Variants in MAGI2 observed in about 807,000 individuals in gnomAD.
MAGI2 encodes the protein membrane associated guanylate kinase, WW and PDZ domain containing 2.
In MAGI2, 35 loss-of-function variants were observed where a neutral mutation model predicts 133.3. The observed-to-expected ratio is 0.26, with a 90% CI of 0.20 to 0.35. The LOEUF (loss-of-function observed/expected upper bound fraction) is 0.35, where lower values mean the gene tolerates loss of function less well. Among genes scored for constraint, MAGI2 ranks in the 10% least tolerant of loss-of-function variants. The pLI, the probability that MAGI2 is intolerant of heterozygous loss-of-function variation, is 1.00. For missense variants in MAGI2, 1,636 were observed against 1,863.4 expected (o/e 0.88, Z 2.25); for synonymous variants, 729 against 710.6 (o/e 1.03, Z -0.41).
At chr7:78,455,484 TATA>T (rs1789212942) in intron 6 of MAGI2, among the ~76,000 whole-genome samples, 1 of 152,186 alleles carries the variant, frequency 6.6e-6, no homozygotes, top group South Asian at 2.1e-4. Flanking sequence ...TACTTCAGAC[TATA>T]ATCTCTTTAG....
intron 2 of MAGI2, among the ~76,000 whole-genome samples, chr7:78,817,400 G>C (rs1433482542): frequency 2.0e-5 from 3 of 152,216 alleles, no homozygotes; most frequent in African/African-American, 7.2e-5. Flanking sequence ...AAGTTCCACT[G>C]TGGGTAAAAT....
At chr7:78,666,888 A>G (rs972217363) in intron 2 of MAGI2, among the ~76,000 whole-genome samples, 2 of 152,154 alleles carry the variant, frequency 1.3e-5, no homozygotes, top group South Asian at 4.1e-4. Context: ...TTCTATTAAC[A>G]TCAGTTTCTT....
At chr7:78,778,336 C>T (rs1563494441) in intron 2 of MAGI2, among the ~76,000 whole-genome samples, 1 of 152,184 alleles carries the variant, frequency 6.6e-6, no homozygotes. Context: ...GTCACTTTCC[C>T]CATTCCCTTA....
chr7:78,523,444 A>G (rs1394487892), intron 3 of MAGI2, among the ~76,000 whole-genome samples: 1 of 152,062 alleles, frequency 6.6e-6, no homozygotes, highest in Non-Finnish European at 1.5e-5. Context: ...GCGCCACTGC[A>G]CTCCAGCCTG....
At chr7:78,402,802 T>C (rs1259727677) in intron 6 of MAGI2, among the ~76,000 whole-genome samples, 1 of 152,180 alleles carries the variant, frequency 6.6e-6, no homozygotes, top group Non-Finnish European at 1.5e-5. Context: ...TTAATAAATT[T>C]ATTCTCCATA....
chr7:78,383,343 T>C (rs901196421), intron 6 of MAGI2, among the ~76,000 whole-genome samples: 2 of 152,168 alleles, frequency 1.3e-5, no homozygotes, highest in Admixed American at 6.6e-5. Flanking sequence ...GTGGTTTTTA[T>C]ACGCATTTCT....
At chr7:79,416,573 T>C (rs1356316628) in intron 1 of MAGI2, among the ~76,000 whole-genome samples, 1 of 152,024 alleles carries the variant, frequency 6.6e-6, no homozygotes, top group Admixed American at 6.6e-5. Context: ...GGAAATGATA[T>C]GATGTCTGAG....
At chr7:78,850,950 T>C (rs1450577838) in intron 2 of MAGI2, among the ~76,000 whole-genome samples, 2 of 152,132 alleles carry the variant, frequency 1.3e-5, no homozygotes, top group African/African-American at 4.8e-5. Context: ...TTTCACTATA[T>C]TTTAAACATA....
At chr7:78,974,913 A>G (rs1221785233) in intron 2 of MAGI2, among the ~76,000 whole-genome samples, 1 of 151,786 alleles carries the variant, frequency 6.6e-6, no homozygotes, top group Non-Finnish European at 1.5e-5. Context: ...GTTGACTTCA[A>G]AACAAGGAAG....
At chr7:78,060,934 G>C (rs551288652) in intron 21 of MAGI2, among the ~76,000 whole-genome samples, 58 of 152,222 alleles carry the variant, frequency 3.8e-4, no homozygotes, top group Non-Finnish European at 6.2e-4. Context: ...GGGGGGCCAA[G>C]GCAGGCAGAT....
chr7:78,661,085 C>G (rs1300769715), intron 2 of MAGI2, among the ~76,000 whole-genome samples: 3 of 152,148 alleles, frequency 2.0e-5, no homozygotes, highest in African/African-American at 7.2e-5. Context: ...CCCTTAATAG[C>G]AACAACAATG....
chr7:78,649,236 G>GAAAAAAAAAGA (rs1811263827), intron 2 of MAGI2, among the ~76,000 whole-genome samples: 2 of 88,190 alleles, frequency 2.3e-5, no homozygotes, highest in South Asian at 4.2e-4. Flanking sequence ...AAAAAAAAAA[G>GAAAAAAAAAGA]AAAAAAAAAG....
intron 6 of MAGI2, among the ~76,000 whole-genome samples, chr7:78,487,553 A>T (rs528131915): frequency 6.6e-6 from 1 of 152,192 alleles, no homozygotes; most frequent in South Asian, 2.1e-4. Flanking sequence ...CGTTTTCTAA[A>T]ATCTTTATCA....
At chr7:79,049,105 G>C (rs1008409084) in intron 1 of MAGI2, among the ~76,000 whole-genome samples, 3 of 152,088 alleles carry the variant, frequency 2.0e-5, no homozygotes, top group Admixed American at 1.3e-4. Context: ...GGAAGTTATT[G>C]CTTTCATAAT....
At chr7:79,304,571 T>C (rs1440940774) in intron 1 of MAGI2, among the ~76,000 whole-genome samples, 1 of 152,140 alleles carries the variant, frequency 6.6e-6, no homozygotes, top group Non-Finnish European at 1.5e-5. Flanking sequence ...GGAGAGTGAT[T>C]GTGTAGATAA....
chr7:78,888,285 T>C (rs1406532410), intron 2 of MAGI2, among the ~76,000 whole-genome samples: 2 of 152,172 alleles, frequency 1.3e-5, no homozygotes, highest in Non-Finnish European at 2.9e-5. Context: ...CCTGCCTCTG[T>C]AGACTCCACC....
At chr7:79,084,646 T>C (rs1816326862) in intron 1 of MAGI2, among the ~76,000 whole-genome samples, 1 of 151,774 alleles carries the variant, frequency 6.6e-6, no homozygotes, top group Non-Finnish European at 1.5e-5. Context: ...TAGATGTCTG[T>C]TAGGTTTATT....
chr7:78,054,759 A>C (rs1165465433), intron 21 of MAGI2, among the ~76,000 whole-genome samples: 1 of 151,690 alleles, frequency 6.6e-6, no homozygotes, highest in Non-Finnish European at 1.5e-5. Context: ...TTGTGGGCTC[A>C]AGCGTTCCTC....
rs1563335858 is a variant in MAGI2, at chr7:78,256,185, T to G, written c.1805A>C (p.Glu602Ala). The change falls in exon 10 of 22, where the codon GAA becomes GCA. Residue 602 changes from glutamate to alanine, a missense_variant. By Grantham distance (107) the Glu-to-Ala change is moderately radical. Coordinates refer to ENST00000354212, the MANE Select transcript of MAGI2 (RefSeq NM_012301.4). ...SMASSGATQA[E>A]LMTLTIVKGA... is the part of the protein sequence containing the mutation. ...TTTCACAATGGTTAAGGTCATAAGTTCAGCTTGGGTGGCCCCAGATGAAGC... is the reference window on the plus strand; with the variant it reads ...TTTCACAATGGTTAAGGTCATAAGTGCAGCTTGGGTGGCCCCAGATGAAGC... The G allele has an allele frequency of 1.2e-6, 2 of 1,613,974 alleles. No individual in the cohort carries two copies. The highest frequency in any genetic ancestry group is 1.7e-6 in the Non-Finnish European group (2 of 1,179,982).
Sources: gnomAD v4.1 joint callset for allele counts (sites outside exome capture counted in the v4.1 genomes callset) on GRCh38, gnomAD v4.1.1 for gene constraint, MANE v1.5 for transcripts, NCBI Gene and HGNC (gene_info 2026-07-23, HGNC 2026-07-21) for gene names.